Variants in AMN1 observed in about 807,000 individuals in gnomAD.
AMN1 encodes the protein protein AMN1 homolog.
Under a neutral mutation model 33.0 loss-of-function variants are expected in AMN1, and 20 were observed. The observed-to-expected ratio is 0.61, with a 90% CI of 0.43 to 0.88. AMN1 has a LOEUF of 0.88. Ranked by LOEUF, AMN1 falls within the 40% of genes least tolerant of loss-of-function variation. The probability of loss-of-function intolerance (pLI) is 0.00; values close to 1 mark genes in which losing one functional copy is unlikely to be tolerated. For missense variants in AMN1, 246 were observed against 307.4 expected (o/e 0.80, Z 1.49); for synonymous variants, 114 against 111.9 (o/e 1.02, Z -0.12).
chr12:31,685,241 T>C (rs1432376814), intron 6 of AMN1, among the ~76,000 whole-genome samples: 1 of 151,686 alleles, frequency 6.6e-6, no homozygotes, highest in African/African-American at 2.4e-5. Context: ...GTTGGCCAGG[T>C]TGGTCTTGAA....
At chr12:31,677,170 T>G (rs976552639) in intron 6 of AMN1, among the ~76,000 whole-genome samples, 5 of 152,032 alleles carry the variant, frequency 3.3e-5, no homozygotes, top group African/African-American at 7.2e-5. Flanking sequence ...CGTAGTGGCG[T>G]GCACCTGTAG....
chr12:31,719,327 T>G, intron 1 of AMN1: 1 of 982,740 alleles, frequency 1.0e-6, no homozygotes, highest in South Asian at 4.7e-5. Flanking sequence ...CAATTTCTTT[T>G]TAATGATATA....
At chr12:31,684,675 G>A (rs1938174028) in intron 6 of AMN1, among the ~76,000 whole-genome samples, 1 of 152,222 alleles carries the variant, frequency 6.6e-6, no homozygotes, top group African/African-American at 2.4e-5. Context: ...GTTTCACCGT[G>A]TTAGCCAGGA....
intron 6 of AMN1, among the ~76,000 whole-genome samples, chr12:31,680,463 C>G (rs1937957760): frequency 6.6e-6 from 1 of 152,156 alleles, no homozygotes. Context: ...GGCCCCCCCA[C>G]AGGGCTGGGA....
intron 6 of AMN1, among the ~76,000 whole-genome samples, chr12:31,678,674 C>T (rs889091160): frequency 1.3e-5 from 2 of 152,030 alleles, no homozygotes; most frequent in East Asian, 1.9e-4. Flanking sequence ...GGATTACAGG[C>T]GTGAGCCACC....
intron 1 of AMN1, among the ~76,000 whole-genome samples, chr12:31,713,208 T>C (rs1290813468): frequency 6.8e-6 from 1 of 147,460 alleles, no homozygotes; most frequent in African/African-American, 2.4e-5. Context: ...TAATGTTCTC[T>C]CTGTGTGTTA....
chr12:31,710,431 T>C (rs888877174), intron 1 of AMN1, among the ~76,000 whole-genome samples: 5 of 152,160 alleles, frequency 3.3e-5, no homozygotes, highest in African/African-American at 1.2e-4. Flanking sequence ...TTTAGTGCAA[T>C]GTTAATTTTT....
In AMN1 at chr12:31,709,387, A is replaced by C. The variant is rs979674807; in HGVS notation, c.77T>G (p.Leu26Arg). The change falls in exon 2 of 7, where the codon CTC (leucine) becomes CGC (arginine). Residue 26 changes from leucine to arginine, a missense_variant. Physicochemically the swap from Leu to Arg is moderately radical, Grantham distance 102 (BLOSUM62 -2). Transcript: ENST00000281471. ...GGGAGGCAAAGGCTTAATGTCTGTGAGATATCTGGAAATATTCTTCATGAA... is the reference window on the plus strand; with the variant it reads ...GGGAGGCAAAGGCTTAATGTCTGTGCGATATCTGGAAATATTCTTCATGAA... ...WCFMKNISRY[L>R]TDIKPLPPNI... 2 of 1,613,890 alleles carry C rather than the reference A, an allele frequency of 1.2e-6. No homozygotes were observed. Among genetic ancestry groups the C allele is most frequent in the East Asian group, 2.2e-5 (1 of 44,876 alleles).
intron 6 of AMN1, among the ~76,000 whole-genome samples, chr12:31,681,388 C>A (rs1243706793): frequency 6.6e-6 from 1 of 152,090 alleles, no homozygotes; most frequent in Non-Finnish European, 1.5e-5. Flanking sequence ...ATCATCATGC[C>A]TGGCTAATTT....
chr12:31,688,723 A>G (rs1250663601), intron 6 of AMN1, among the ~76,000 whole-genome samples: 1 of 152,172 alleles, frequency 6.6e-6, no homozygotes, highest in East Asian at 1.9e-4. Context: ...AGGCAGGAGA[A>G]TTGCTTTAAC....
rs1022186084 is a variant in AMN1, at chr12:31,687,019, T to C, written c.703+1988A>G. ...CAGTTTCTTTTTTTCTTTTTTCTTT[T>C]TCTTTTTTTGACACAGGGTCTCACT... On this transcript the variant is annotated intron_variant, in intron 6 of 6. Coordinates refer to ENST00000281471, the MANE Select transcript of AMN1 (RefSeq NM_001113402.2). This position sits in a 1 kb window ranked among gnomAD's most constrained non-coding sequence, Gnocchi z 4.1. 2.0e-5 allele frequency among the ~76,000 whole-genome samples: 3 copies of C among 152,296 alleles called. No individual in the cohort carries two copies. The highest frequency in any genetic ancestry group is 4.1e-4 in the South Asian group (2 of 4,830).
rs11836705 is a variant in AMN1 at position 31,726,323 on chromosome 12, G to A, written c.38+2648C>T. ...ATTACAGGCATGCACCACCACGGCC[G>A]GCTAATTTTGTATTTTTAGTAGAGA... On this transcript the variant is annotated intron_variant, in intron 1 of 6. Transcript: ENST00000281471. 9.7e-3 allele frequency among the ~76,000 whole-genome samples: 1,465 copies of A among 151,724 alleles called. 24 individuals are homozygous for A. Among genetic ancestry groups the A allele is most frequent in the African/African-American group, 0.033 (1,374 of 41,372 alleles).
chr12:31,692,704 C>A (rs1938556241), intron 5 of AMN1, among the ~76,000 whole-genome samples: 1 of 152,052 alleles, frequency 6.6e-6, no homozygotes, highest in African/African-American at 2.4e-5. Context: ...AAACCAGAAA[C>A]AATCTGAATT....
At chr12:31,682,824 C>T (rs908241559) in intron 6 of AMN1, among the ~76,000 whole-genome samples, 2 of 152,142 alleles carry the variant, frequency 1.3e-5, no homozygotes, top group African/African-American at 4.8e-5. Flanking sequence ...CCTAGTCCAG[C>T]ATTTACCAAC....
At chr12:31,677,623 A>G (rs906933278) in intron 6 of AMN1, among the ~76,000 whole-genome samples, 3 of 152,172 alleles carry the variant, frequency 2.0e-5, no homozygotes, top group African/African-American at 7.2e-5. Flanking sequence ...AGGATTCCCC[A>G]AAGTATGGCA....
intron 6 of AMN1, among the ~76,000 whole-genome samples, chr12:31,679,605 G>A (rs559346281): frequency 6.6e-6 from 1 of 152,252 alleles, no homozygotes; most frequent in South Asian, 2.1e-4. Context: ...CGACTAAATT[G>A]AAAGCGGCAG....
chr12:31,688,971 G>T, intron 6 of AMN1, 36 bp downstream of exon 6: 1 of 1,397,554 alleles, frequency 7.2e-7, no homozygotes, highest in Non-Finnish European at 1.0e-6. Context: ...AAAAGATGAA[G>T]CCAGAATTTG....
chr12:31,723,185 T>C (rs540813366), intron 1 of AMN1, among the ~76,000 whole-genome samples: 51 of 152,026 alleles, frequency 3.4e-4, no homozygotes, highest in Non-Finnish European at 7.2e-4. Flanking sequence ...TCAAATTTTA[T>C]TGGAACACTG....
upstream of AMN1, chr12:31,729,070 TCCGCCAACTCCCGC>T: frequency 1.4e-6 from 2 of 1,444,294 alleles, no homozygotes; most frequent in Non-Finnish European, 9.3e-7. Flanking sequence ...CCAGGGACCG[TCCGCCAACTCCCGC>T]CCACCGCGCG....
Sources: gnomAD v4.1 joint callset for allele counts (sites outside exome capture counted in the v4.1 genomes callset) on GRCh38, gnomAD v4.1.1 for gene constraint, Gnocchi (gnomAD v3.1) non-coding constraint, MANE v1.5 for transcripts, NCBI Gene and HGNC (gene_info 2026-07-23, HGNC 2026-07-21) for gene names.